Variants in DYSF observed in about 807,000 individuals in gnomAD.
DYSF encodes dysferlin, also known as dystrophy-associated fer-1-like 1.
A neutral mutation model predicts 274.9 loss-of-function variants in DYSF; 212 were observed. That is an observed-to-expected ratio of 0.77 (90% CI 0.69 to 0.86). The LOEUF is 0.86. Among genes scored for constraint, DYSF ranks in the 40% least tolerant of loss-of-function variants. The pLI is 0.00. For missense variants in DYSF, 2,666 were observed against 2,783.2 expected (o/e 0.96, Z 0.95); for synonymous variants, 1,091 against 1,078.7 (o/e 1.01, Z -0.22).
At chr2:71,486,317 C>T (rs1334960567) in intron 3 of DYSF, among the ~76,000 whole-genome samples, 1 of 151,846 alleles carries the variant, frequency 6.6e-6, no homozygotes, top group Non-Finnish European at 1.5e-5. Flanking sequence ...CTGGCTCTCT[C>T]TGCTTCTAGA....
intron 30 of DYSF, among the ~76,000 whole-genome samples, chr2:71,580,636 A>G (rs1250255878): frequency 6.6e-6 from 1 of 152,164 alleles, no homozygotes; most frequent in Non-Finnish European, 1.5e-5. Flanking sequence ...GTTGAAAGGC[A>G]GCTCTGTGGA....
chr2:71,579,720 G>T (rs1237211653), intron 30 of DYSF, among the ~76,000 whole-genome samples: 1 of 152,158 alleles, frequency 6.6e-6, no homozygotes, highest in Non-Finnish European at 1.5e-5. Flanking sequence ...CTAGCCGTGG[G>T]TGGCTACTTA....
chr2:71,508,800 C>G (rs2085769744), intron 4 of DYSF, among the ~76,000 whole-genome samples: 1 of 152,150 alleles, frequency 6.6e-6, no homozygotes, highest in Non-Finnish European at 1.5e-5. Context: ...TTGTAATATC[C>G]TCTTTGTCAT....
rs2094528956 is a variant in DYSF at position 71,644,043 on chromosome 2, A to G, written c.4606A>G (p.Lys1536Glu). The part of the protein sequence containing the change: ...EREKCGSYLE[K>E]DFDTLKVYDT... ...GGAAAAGTGCGGCTCCTACCTGGAGAAGGATTTTGACACCCTGAAGGTAAG... is the reference window on the plus strand; with the variant it reads ...GGAAAAGTGCGGCTCCTACCTGGAGGAGGATTTTGACACCCTGAAGGTAAG... Residue 1536 changes from lysine to glutamate, a missense_variant, in exon 42 of 56, where the codon AAG (lysine) becomes GAG (glutamate). Lys to Glu is a moderately conservative substitution (Grantham distance 56). Transcript: ENST00000410020. 2 of 1,611,430 alleles carry G rather than the reference A, an allele frequency of 1.2e-6. No homozygotes were observed. The highest frequency in any genetic ancestry group is 1.7e-6 in the Non-Finnish European group (2 of 1,178,912).
At chr2:71,618,853 C>G (rs2094017143) in intron 40 of DYSF, among the ~76,000 whole-genome samples, 1 of 151,788 alleles carries the variant, frequency 6.6e-6, no homozygotes, top group African/African-American at 2.4e-5. Flanking sequence ...CCTCGGGAGA[C>G]TGTTTCCTCA....
chr2:71,559,157 C>T (rs2091545377), intron 22 of DYSF, among the ~76,000 whole-genome samples: 1 of 152,238 alleles, frequency 6.6e-6, no homozygotes, highest in African/African-American at 2.4e-5. Context: ...GCCCTCTTCT[C>T]TGATCTCTAG....
At chr2:71,618,389 GTGTGTGTGTGTGTGGTAGA>G in intron 40 of DYSF, among the ~76,000 whole-genome samples, 1 of 7,536 alleles carries the variant, frequency 1.3e-4, no homozygotes, top group African/African-American at 4.3e-4. Context: ...GGTAGAGGTG[GTGTGTGTGTGTGTGGTAGA>G]GGTGGTGTGT....
chr2:71,636,041 T>C (rs1032058704), intron 41 of DYSF, among the ~76,000 whole-genome samples: 1 of 152,124 alleles, frequency 6.6e-6, no homozygotes, highest in Non-Finnish European at 1.5e-5. Context: ...ATAGTGTTCC[T>C]GCCAGGGGAA....
At chr2:71,486,582 C>T (rs560270401) in intron 3 of DYSF, among the ~76,000 whole-genome samples, 1 of 152,206 alleles carries the variant, frequency 6.6e-6, no homozygotes, top group South Asian at 2.1e-4. Context: ...GGTCTGCTGG[C>T]CCAGAGTGGG....
intron 53 of DYSF, among the ~76,000 whole-genome samples, chr2:71,680,387 A>T (rs13419355): frequency 0.017 from 2,628 of 152,252 alleles, 76 homozygotes; most frequent in African/African-American, 0.061. Context: ...TACTGTGTGG[A>T]GGAAGAAATT....
At chr2:71,682,821 C>A in intron 55 of DYSF, 144 bp downstream of exon 55, 2 of 1,231,050 alleles carry the variant, frequency 1.6e-6, no homozygotes, top group Non-Finnish European at 2.3e-6. Flanking sequence ...GGATACAGAG[C>A]CCAGCTCTGG....
chr2:71,549,277 A>T, intron 17 of DYSF: 1 of 1,465,316 alleles, frequency 6.8e-7, no homozygotes. Context: ...CTCCATCCAC[A>T]GCCTGTTCAT....
chr2:71,482,917 T>A (rs1017567254), intron 3 of DYSF, among the ~76,000 whole-genome samples: 4 of 152,080 alleles, frequency 2.6e-5, no homozygotes, highest in African/African-American at 7.2e-5. Flanking sequence ...GGAGCCTTTG[T>A]TTGGGAACTG....
chr2:71,574,406 G>A (rs984843146), intron 30 of DYSF, 35 bp downstream of exon 30: 1 of 1,605,890 alleles, frequency 6.2e-7, no homozygotes, highest in Non-Finnish European at 8.5e-7. Flanking sequence ...GCTTGGGTAG[G>A]GTATATCTTG....
intron 41 of DYSF, among the ~76,000 whole-genome samples, chr2:71,624,181 A>C (rs1247548174): frequency 6.6e-6 from 1 of 152,210 alleles, no homozygotes; most frequent in Non-Finnish European, 1.5e-5. Context: ...TTGTTTATCC[A>C]ATTACCATAT....
At chr2:71,594,228 C>CG (rs2093347631) in intron 32 of DYSF, among the ~76,000 whole-genome samples, 1 of 152,212 alleles carries the variant, frequency 6.6e-6, no homozygotes, top group Non-Finnish European at 1.5e-5. Flanking sequence ...CAAGTCTGAA[C>CG]TCCAGTCTTC....
intron 43 of DYSF, 102 bp from the exon 44 acceptor site, chr2:71,658,776 A>G: frequency 1.4e-6 from 2 of 1,454,868 alleles, no homozygotes; most frequent in Non-Finnish European, 1.9e-6. Flanking sequence ...AACATGTGGG[A>G]ATTCTGGGAG....
rs1353030177 is a variant in DYSF, at chr2:71,550,988, C to T, written c.1577-53C>T. 4 of 1,526,116 alleles carry T rather than the reference C, an allele frequency of 2.6e-6. No individual in the cohort carries two copies. The Admixed American group carries it at 6.7e-5, about 25-fold the overall frequency. 94.5% of individuals were successfully genotyped at this position (1,526,116 alleles called of 1,614,324 possible). On this transcript the variant is annotated intron_variant, in intron 17 of 55. Coordinates refer to ENST00000410020, the MANE Select transcript of DYSF (RefSeq NM_001130987.2). ...CAGGTTGGAAGGTGGCTGGGTGGAG[C>T]ATTGGGAAGCCCCACTGGGCCGACC... is the stretch of plus-strand genomic sequence containing the variant.
rs775055299 is a variant in DYSF at position 71,553,036 on chromosome 2, C to T, written c.1832C>T (p.Ser611Phe). Residue 611 changes from serine to phenylalanine, a missense_variant, in exon 20 of 56, where the codon TCC becomes TTC. Ser to Phe is a radical substitution (Grantham distance 155). Around this residue, in one of 3 missense-constraint regions of DYSF, gnomAD observed 412 missense variants for 504.0 expected, o/e 0.82. Transcript: ENST00000410020. ...VEKYLRRRKY[S>F]LFAAFYSATM... ...AAGTACCTTAGGAGGCGCAAGTACT[C>T]CCTGTTTGCGGCCTTCTACTCAGCC... 12 of 1,614,056 alleles carry T rather than the reference C, an allele frequency of 7.4e-6. No individual in the cohort carries two copies. The highest frequency in any genetic ancestry group is 8.5e-6 in the Non-Finnish European group (10 of 1,180,034).
Sources: allele counts gnomAD v4.1 joint callset (sites outside exome capture counted in the v4.1 genomes callset), GRCh38; gene constraint gnomAD v4.1.1; regional missense constraint gnomAD v4.1.1; transcripts MANE v1.5; gene names NCBI Gene and HGNC (gene_info 2026-07-23, HGNC 2026-07-21).